CPVL: variants seen among roughly 807,000 people sequenced by gnomAD.
CPVL encodes probable serine carboxypeptidase CPVL.
CPVL carries 51 observed loss-of-function variants against 63.7 expected under a neutral mutation model. The observed-to-expected ratio is 0.80, with a 90% confidence interval of 0.64 to 1.01. CPVL has a LOEUF of 1.01. CPVL is among the 50% of genes least tolerant of loss of function. The probability of loss-of-function intolerance (pLI) is 0.00; values close to 1 mark genes in which losing one functional copy is unlikely to be tolerated. For synonymous variants in CPVL, 195 were observed against 206.0 expected, an observed-to-expected ratio of 0.95 and a Z score of 0.46; for missense variants, 530 against 573.1, an observed-to-expected ratio of 0.92 and a Z score of 0.77.
chr7:29,146,523 G>A lies in CPVL; in HGVS notation c.-105C>T, dbSNP rs1379937562. On this transcript the variant is annotated 5_prime_UTR_variant, in exon 1 of 13. Coordinates refer to ENST00000265394, the MANE Select transcript of CPVL (RefSeq NM_031311.5). ...TCCCAAATCAGGCAGAAGTGAGGCA[G>A]CCCCACCCAGTCACGAGGACCCTGC... The A allele has an allele frequency of 4.0e-6, 6 of 1,489,536 alleles. No homozygotes were observed. Among genetic ancestry groups the A allele is most frequent in the East Asian group, 4.9e-5 (2 of 40,412 alleles). The allele number at this position is 1,489,536 out of a possible 1,614,324, so 92.3% of individuals were successfully genotyped here.
intron 3 of CPVL, among the ~76,000 whole-genome samples, chr7:29,100,043 T>A (rs1453851340): frequency 6.6e-6 from 1 of 152,208 alleles, no homozygotes; most frequent in Non-Finnish European, 1.5e-5. Flanking sequence ...TTTTATCTCC[T>A]CTCAGATCCA....
chr7:29,074,347 G>T (rs1311209521), intron 7 of CPVL, among the ~76,000 whole-genome samples: 1 of 152,192 alleles, frequency 6.6e-6, no homozygotes, highest in African/African-American at 2.4e-5. Context: ...TCATATGTCT[G>T]AAATTTGGTT....
rs541786112 is a variant in CPVL, at chr7:29,151,579, C to G, written c.-11+29711G>C. On this transcript the variant is annotated intron_variant, in intron 5 of 16. Transcript: ENST00000409850. Reference sequence around the variant, plus strand: ...TAAGGATTTTATGGTTTGCCCAACACTTTTTATATATATCATCTCTTTTAA... The same window carrying G: ...TAAGGATTTTATGGTTTGCCCAACAGTTTTTATATATATCATCTCTTTTAA... Among the ~76,000 whole-genome samples the G allele has an allele frequency of 3.3e-5, 5 of 152,210 alleles. No individual in the cohort carries two copies. The South Asian group carries it at 1.0e-3, about 32-fold the overall frequency.
chr7:29,030,600 GGA>G lies in CPVL; in HGVS notation c.1295_1296del (p.Ile432ThrfsTer5). ...ACCTGATGGAAGTCACCCGCTTGCC[GGA>G]TGTAACCAGCCACTTCACTGTCAGA... The part of the protein sequence containing the change: ...FKSDSEVAGY[I>X]RQAGDFHQVI... On this transcript the variant is annotated frameshift_variant, in exon 12 of 13. Coordinates refer to ENST00000265394, the MANE Select transcript of CPVL (RefSeq NM_031311.5). LOFTEE classifies it high-confidence loss of function. 6.2e-7 allele frequency: 1 copy of G among 1,612,692 alleles called. No individual in the cohort carries two copies. The highest frequency in any genetic ancestry group is 8.5e-7 in the Non-Finnish European group (1 of 1,179,360).
intron 7 of CPVL, among the ~76,000 whole-genome samples, chr7:29,079,965 T>C (rs141356751): frequency 3.9e-5 from 6 of 152,234 alleles, no homozygotes; most frequent in African/African-American, 1.2e-4. Context: ...ACAATCATGA[T>C]ACAGATGGAA....
intron 9 of CPVL, among the ~76,000 whole-genome samples, chr7:29,070,168 C>G (rs1430171299): frequency 1.3e-5 from 2 of 152,090 alleles, no homozygotes; most frequent in Non-Finnish European, 2.9e-5. Context: ...AACGTTTTAC[C>G]TGCTTGGGGT....
intron 6 of CPVL, among the ~76,000 whole-genome samples, chr7:29,087,145 G>A (rs562202662): frequency 1.3e-5 from 2 of 152,228 alleles, no homozygotes; most frequent in East Asian, 1.9e-4. Flanking sequence ...GCTAACAGCC[G>A]GCCAGGGCGG....
intron 12 of CPVL, among the ~76,000 whole-genome samples, chr7:28,999,071 G>T (rs1336311880): frequency 2.0e-5 from 3 of 151,858 alleles, no homozygotes; most frequent in Non-Finnish European, 4.4e-5. Context: ...AATTAGCCAG[G>T]CATGGTGATG....
At chr7:29,100,190 C>A (rs924178009) in intron 3 of CPVL, among the ~76,000 whole-genome samples, 2 of 152,176 alleles carry the variant, frequency 1.3e-5, no homozygotes, top group Non-Finnish European at 1.5e-5. Context: ...TGAGATGCTG[C>A]GAGTCCAACT....
intron 11 of CPVL, among the ~76,000 whole-genome samples, chr7:29,037,301 T>C (rs906515367): frequency 2.0e-5 from 3 of 151,824 alleles, no homozygotes; most frequent in Non-Finnish European, 4.4e-5. Context: ...TCCCAGCACT[T>C]TGGGAGGCCG....
chr7:29,073,340 C>A (rs969937740), intron 7 of CPVL, among the ~76,000 whole-genome samples: 10 of 152,178 alleles, frequency 6.6e-5, no homozygotes, highest in Admixed American at 5.2e-4. Context: ...AGTCCAATGT[C>A]TTCTCACAAC....
chr7:28,997,647 A>T (rs918286938), intron 12 of CPVL, among the ~76,000 whole-genome samples: 1 of 152,190 alleles, frequency 6.6e-6, no homozygotes. Flanking sequence ...GTTAAGTGAG[A>T]TAACTAGCTA....
At chr7:29,079,854 A>T (rs1327617744) in intron 7 of CPVL, among the ~76,000 whole-genome samples, 3 of 152,162 alleles carry the variant, frequency 2.0e-5, no homozygotes, top group Non-Finnish European at 4.4e-5. Context: ...CTCTACTCAA[A>T]TGCAAACATG....
At chr7:29,083,690 C>T (rs999505543) in intron 7 of CPVL, among the ~76,000 whole-genome samples, 5 of 152,142 alleles carry the variant, frequency 3.3e-5, no homozygotes, top group African/African-American at 1.2e-4. Context: ...GTAAGGGCAC[C>T]CAGGTCCAGC....
Position 29,194,247 on chromosome 7 carries a change from G to A in CPVL, c.-448+830C>T, listed in dbSNP as rs1783290322. 4.4e-5 allele frequency: 6 copies of A among 135,756 alleles called. No individual in the cohort carries two copies. The Admixed American group carries it at 4.6e-4, about 10-fold the overall frequency. 8.4% of individuals were successfully genotyped at this position (135,756 alleles called of 1,614,324 possible). ...AGGAGCAGCGCTGCGCGCAGCAGCC[G>A]CGCTCGCCCCGCGCCCGGCCCCGGC... is the stretch of plus-strand genomic sequence containing the variant. On this transcript the variant is annotated intron_variant, in intron 1 of 16. Transcript: ENST00000409850.
intron 3 of CPVL, among the ~76,000 whole-genome samples, chr7:29,097,771 G>A (rs1187506324): frequency 6.6e-6 from 1 of 152,164 alleles, no homozygotes; most frequent in Non-Finnish European, 1.5e-5. Context: ...GTCATTGGAG[G>A]CTGAAAAGGA....
At chr7:29,164,994 T>C (rs1795721297) in intron 5 of CPVL, among the ~76,000 whole-genome samples, 1 of 152,036 alleles carries the variant, frequency 6.6e-6, no homozygotes, top group African/African-American at 2.4e-5. Flanking sequence ...ATAGTGTGAG[T>C]TCTACAACTT....
intron 11 of CPVL, among the ~76,000 whole-genome samples, chr7:29,062,000 T>A (rs1354374187): frequency 1.3e-5 from 2 of 148,720 alleles, no homozygotes; most frequent in Non-Finnish European, 3.0e-5. Context: ...AGGGCACAAA[T>A]AACACATATC....
chr7:29,109,570 G>A (rs943529334), intron 3 of CPVL, among the ~76,000 whole-genome samples: 1 of 152,164 alleles, frequency 6.6e-6, no homozygotes, highest in Non-Finnish European at 1.5e-5. Context: ...AGAAGCCTCA[G>A]ATATCTGGCT....
Sources: gnomAD v4.1 joint callset for allele counts (sites outside exome capture counted in the v4.1 genomes callset) on GRCh38, gnomAD v4.1.1 for gene constraint, MANE v1.5 for transcripts, NCBI Gene and HGNC (gene_info 2026-07-23, HGNC 2026-07-21) for gene names.